The following SIAH3 variants were observed in gnomAD, a reference collection of about 807,000 sequenced individuals.
SIAH3 encodes siah E3 ubiquitin protein ligase family member 3.
Under a neutral mutation model 12.6 loss-of-function variants are expected in SIAH3, and 9 were observed. The observed-to-expected ratio is 0.72, with a 90% CI of 0.43 to 1.25. The LOEUF is 1.25. Among genes scored for constraint, SIAH3 ranks in the 50% most tolerant of loss-of-function variants. SIAH3 has a pLI of 0.00. For missense variants in SIAH3, 390 were observed against 365.4 expected (o/e 1.07, Z -0.55); for synonymous variants, 154 against 151.1 (o/e 1.02, Z -0.14).
At chr13:45,839,754 C>A (rs1445131099) in intron 1 of SIAH3, among the ~76,000 whole-genome samples, 1 of 152,130 alleles carries the variant, frequency 6.6e-6, no homozygotes, top group Non-Finnish European at 1.5e-5. Flanking sequence ...ATCGGTTGAA[C>A]CCGGGAGGCG....
intron 1 of SIAH3, among the ~76,000 whole-genome samples, chr13:45,791,534 G>A (rs1287989235): frequency 2.6e-5 from 4 of 152,138 alleles, no homozygotes; most frequent in African/African-American, 2.4e-5. Flanking sequence ...GTCCACGGCT[G>A]TGAGCTCCTC....
chr13:45,825,760 G>C (rs907426671), intron 1 of SIAH3, among the ~76,000 whole-genome samples: 3 of 152,130 alleles, frequency 2.0e-5, no homozygotes, highest in Admixed American at 2.0e-4. Flanking sequence ...GTGCACACTG[G>C]GCCCTCATAT....
intron 1 of SIAH3, among the ~76,000 whole-genome samples, chr13:45,819,200 G>A (rs939953962): frequency 6.6e-6 from 1 of 152,232 alleles, no homozygotes; most frequent in African/African-American, 2.4e-5. Context: ...GCCCCCTGCT[G>A]TCACCAAATC....
chr13:45,781,470 T>C lies in SIAH3; in HGVS notation c.*1913A>G, dbSNP rs1477165656. 1 of 152,178 alleles carries C rather than the reference T, an allele frequency of 6.6e-6. No individual in the cohort carries two copies. Among genetic ancestry groups the C allele is most frequent in the Non-Finnish European group, 1.5e-5 (1 of 68,040 alleles). 9.4% of individuals were successfully genotyped at this position (152,178 alleles called of 1,614,324 possible). ...AGGTGTTCTTGGGCATCTGTGTGAT[T>C]GGAGGAGGGTGGCTGGTGCCCTGGC... On this transcript the variant is annotated 3_prime_UTR_variant, in exon 2 of 2. Transcript: ENST00000400405.
At chr13:45,794,456 G>A (rs536501264) in intron 1 of SIAH3, among the ~76,000 whole-genome samples, 3 of 152,272 alleles carry the variant, frequency 2.0e-5, no homozygotes, top group South Asian at 2.1e-4. Flanking sequence ...CAGTGATGTG[G>A]TTTGGCTGTG....
chr13:45,839,859 T>C (rs1050025360), intron 1 of SIAH3, among the ~76,000 whole-genome samples: 1 of 151,942 alleles, frequency 6.6e-6, no homozygotes, highest in Non-Finnish European at 1.5e-5. Flanking sequence ...ACAAAAATCA[T>C]TAATTTTTAC....
chr13:45,816,676 A>G (rs916826203), intron 1 of SIAH3, among the ~76,000 whole-genome samples: 2 of 152,024 alleles, frequency 1.3e-5, no homozygotes, highest in African/African-American at 4.8e-5. Flanking sequence ...CTCTGACATC[A>G]CCTACATTCA....
At chr13:45,846,084 C>CTTTTT (rs386379026) in intron 1 of SIAH3, among the ~76,000 whole-genome samples, 19,386 of 85,358 alleles carry the variant, frequency 0.23, 3,051 homozygotes, top group Non-Finnish European at 0.28. Flanking sequence ...GACCTAACTT[C>CTTTTT]TTTTTTTTTT....
At chr13:45,784,398 G>GTTTTTTTTTTTTTTTTTTTTTT (rs35686357) in intron 1 of SIAH3, among the ~76,000 whole-genome samples, 3 of 65,840 alleles carry the variant, frequency 4.6e-5, no homozygotes, top group African/African-American at 6.5e-5. Flanking sequence ...AAAGACAGCT[G>GTTTTTTTTTTTTTTTTTTTTTT]TTTTTTTTTT....
chr13:45,836,389 A>G (rs1950717799), intron 1 of SIAH3, among the ~76,000 whole-genome samples: 1 of 152,230 alleles, frequency 6.6e-6, no homozygotes, highest in Admixed American at 6.5e-5. Context: ...AAAAAGGAAC[A>G]AGATCATGTC....
intron 1 of SIAH3, among the ~76,000 whole-genome samples, chr13:45,834,027 GA>G (rs1288294720): frequency 6.6e-6 from 1 of 151,370 alleles, no homozygotes; most frequent in Non-Finnish European, 1.5e-5. Context: ...AAAAGAAGGG[GA>G]AAAAAAAGCC....
Position 45,782,647 on chromosome 13 carries a change from G to A in SIAH3, c.*736C>T, listed in dbSNP as rs1477430152. ...GTTTTTAAGAAAGCATCAAAAATCT[G>A]AGGACTTTGATTCCAGAGCAGGAGA... On this transcript the variant is annotated 3_prime_UTR_variant, in exon 2 of 2. Transcript: ENST00000400405. The A allele has an allele frequency of 6.6e-6, 1 of 152,128 alleles. No homozygotes were observed. Among genetic ancestry groups the A allele is most frequent in the African/African-American group, 2.4e-5 (1 of 41,424 alleles). The allele number at this position is 152,128 out of a possible 1,614,324, so 9.4% of individuals were successfully genotyped here. A position where few individuals can be genotyped will look rare whatever the true frequency, so the allele number is the denominator to read the frequency against.
chr13:45,811,749 C>T (rs1291315261), intron 1 of SIAH3, among the ~76,000 whole-genome samples: 1 of 152,314 alleles, frequency 6.6e-6, no homozygotes, highest in African/African-American at 2.4e-5. Context: ...GAGATAGCCA[C>T]CTTCATGGTC....
intron 1 of SIAH3, among the ~76,000 whole-genome samples, chr13:45,802,697 C>T (rs1950586296): frequency 6.6e-6 from 1 of 151,880 alleles, no homozygotes; most frequent in Admixed American, 6.6e-5. Context: ...CAGCTAGCTC[C>T]AGATCTACAT....
intron 1 of SIAH3, among the ~76,000 whole-genome samples, chr13:45,812,911 C>A (rs1328014417): frequency 6.6e-6 from 1 of 152,230 alleles, no homozygotes; most frequent in Non-Finnish European, 1.5e-5. Context: ...AATAAAGGTG[C>A]AAGTCTCCTC....
intron 1 of SIAH3, among the ~76,000 whole-genome samples, chr13:45,794,647 T>C (rs374117084): frequency 5.9e-5 from 9 of 152,300 alleles, no homozygotes; most frequent in African/African-American, 2.2e-4. Flanking sequence ...ACACACTCTC[T>C]TGCCTGCCAC....
chr13:45,810,594 G>A (rs190311638), intron 1 of SIAH3, among the ~76,000 whole-genome samples: 2 of 152,260 alleles, frequency 1.3e-5, no homozygotes, highest in East Asian at 3.9e-4. Context: ...CCTGGGGCTG[G>A]TTGGTTTCTC....
intron 1 of SIAH3, among the ~76,000 whole-genome samples, chr13:45,802,402 A>C (rs1473242801): frequency 6.6e-6 from 1 of 151,984 alleles, no homozygotes. Flanking sequence ...TAATGATGAG[A>C]GTGGGGTTAG....
chr13:45,829,841 C>G (rs928164403), intron 1 of SIAH3, among the ~76,000 whole-genome samples: 1 of 152,088 alleles, frequency 6.6e-6, no homozygotes, highest in East Asian at 1.9e-4. Context: ...CAGCAATTAT[C>G]TTGTTTTTAG....
Sources: gnomAD v4.1 joint callset for allele counts (sites outside exome capture counted in the v4.1 genomes callset) on GRCh38, gnomAD v4.1.1 for gene constraint, MANE v1.5 for transcripts, NCBI Gene and HGNC (gene_info 2026-07-23, HGNC 2026-07-21) for gene names.